PGAP6: variants seen among roughly 807,000 people sequenced by gnomAD.
PGAP6 encodes post-GPI attachment to proteins 6, also known as post-GPI attachment to proteins factor 6.
In PGAP6, 62 loss-of-function variants were observed where a neutral mutation model predicts 68.4. That is an observed-to-expected ratio of 0.91 (90% CI 0.74 to 1.12). The LOEUF (loss-of-function observed/expected upper bound fraction) is 1.12, where lower values mean the gene tolerates loss of function less well. Among genes scored for constraint, PGAP6 ranks in the 50% most tolerant of loss-of-function variants. The pLI, the probability that PGAP6 is intolerant of heterozygous loss-of-function variation, is 0.00. For synonymous variants in PGAP6, 575 were observed against 474.0 expected, an observed-to-expected ratio of 1.21 and a Z score of -2.77; for missense variants, 1,188 against 1,068.5, an observed-to-expected ratio of 1.11 and a Z score of -1.56.
At position 371,926 on chromosome 16, in the gene PGAP6, C is replaced by T. The variant is rs548574173; in HGVS notation, c.*61G>A. On this transcript the variant is annotated 3_prime_UTR_variant, in exon 13 of 13. Coordinates refer to ENST00000431232, the MANE Select transcript of PGAP6 (RefSeq NM_021259.3). ...TGTCCAGGGCTGGACCAGGCGCCTC[C>T]CCCTCGATACAGCTCCTGGCTGAAG... is the stretch of plus-strand genomic sequence containing the variant. 3.5e-5 allele frequency: 55 copies of T among 1,552,422 alleles called. No individual in the cohort carries two copies. The African/African-American group carries it at 6.6e-4, about 19-fold the overall frequency.
intron 1 of PGAP6, among the ~76,000 whole-genome samples, chr16:380,927 A>G (rs2054431831): frequency 6.6e-6 from 1 of 152,154 alleles, no homozygotes; most frequent in African/African-American, 2.4e-5. Flanking sequence ...GCCCCTCCAG[A>G]GTCCCAGGCC....
chr16:377,030 C>T lies in PGAP6; in HGVS notation c.635+7G>A, dbSNP rs758369242. ...AGAGCCGGGCTGCCCCCCAGGCCCCCGCTCACTTGAGGTAGCTGGGATGGG... is the reference window on the plus strand; with the variant it reads ...AGAGCCGGGCTGCCCCCCAGGCCCCTGCTCACTTGAGGTAGCTGGGATGGG... On this transcript the variant is annotated splice_region_variant and intron_variant, in intron 4 of 12. Transcript: ENST00000431232. 1.4e-5 allele frequency: 22 copies of T among 1,612,474 alleles called. 1 individual carries two copies. The Admixed American group carries it at 2.0e-4, about 15-fold the overall frequency.
upstream of PGAP6, chr16:382,322 G>C (rs111709742): frequency 2.6e-6 from 1 of 389,544 alleles, no homozygotes; most frequent in Non-Finnish European, 4.5e-6. Flanking sequence ...TCCGTGGCAG[G>C]CTCGGGGAGC....
intron 11 of PGAP6, among the ~76,000 whole-genome samples, chr16:373,282 C>A (rs1332393825): frequency 6.6e-6 from 1 of 152,376 alleles, no homozygotes; most frequent in South Asian, 2.1e-4. Flanking sequence ...GCCTGCAGTT[C>A]CCAGAGCAGA....
At chr16:376,098 C>G (rs372898477) in intron 6 of PGAP6, 38 bp downstream of exon 6, 3 of 1,558,700 alleles carry the variant, frequency 1.9e-6, no homozygotes, top group Non-Finnish European at 2.6e-6. Flanking sequence ...GCGCCCTGCC[C>G]GAGCCCAGGC....
rs1416833816 is a variant in PGAP6, at chr16:371,757, G to A, written c.*230C>T. On this transcript the variant is annotated 3_prime_UTR_variant, in exon 13 of 13. Transcript: ENST00000431232. ...AGCCCAGGCCCCAGGGGCCACTGCA[G>A]ACAGCAGCTGGGATCTGCAGAGGGA... 5.6e-6 allele frequency: 3 copies of A among 537,610 alleles called. No homozygotes were observed. The highest frequency in any genetic ancestry group is 6.5e-5 in the East Asian group (2 of 30,844). 33.3% of individuals were successfully genotyped at this position (537,610 alleles called of 1,614,324 possible). A position where few individuals can be genotyped will look rare whatever the true frequency, so the allele number is the denominator to read the frequency against.
upstream of PGAP6, among the ~76,000 whole-genome samples, chr16:383,120 AACAAAAAC>A (rs964431262): frequency 3.0e-4 from 46 of 151,476 alleles, no homozygotes; most frequent in African/African-American, 9.9e-4. Context: ...CGTCTCAAAA[AACAAAAAC>A]ACAAAAACAA....
At chr16:382,095 G>GC (rs2054448137), upstream of PGAP6, 1 of 365,264 alleles carries the variant, frequency 2.7e-6, no homozygotes. Context: ...GCCGGTAGGG[G>GC]GGAGGGGTCA....
At chr16:384,542 T>G (rs564416431), upstream of PGAP6, 5 of 152,198 alleles carry the variant, frequency 3.3e-5, no homozygotes, top group African/African-American at 9.6e-5. Flanking sequence ...CTTCTGAAAA[T>G]TATTGTGCCA....
Position 377,110 on chromosome 16 carries a change from C to T in PGAP6, c.562G>A (p.Val188Met), listed in dbSNP as rs199981550. The T allele has an allele frequency of 1.9e-6, 3 of 1,613,632 alleles. No homozygotes were observed. The highest frequency in any genetic ancestry group is 8.5e-7 in the Non-Finnish European group (1 of 1,180,010). ...GGCTCCATGATGGAAATCTCGACCA[C>T]CCGCGTGACCAGCAGTTCAGGCTGG... is the stretch of plus-strand genomic sequence containing the variant. ...VFQPELLVTR[V>M]VEISIMEPDV... The change falls in exon 4 of 13, where the codon GTG becomes ATG. Residue 188 changes from valine to methionine, a missense_variant. Physicochemically the swap from Val to Met is conservative, Grantham distance 21. Coordinates refer to ENST00000431232, the MANE Select transcript of PGAP6 (RefSeq NM_021259.3).
chr16:379,000 T>C lies in PGAP6; in HGVS notation c.122-1152A>G, dbSNP rs185242903. On this transcript the variant is annotated intron_variant, in intron 1 of 12. Coordinates refer to ENST00000431232, the MANE Select transcript of PGAP6 (RefSeq NM_021259.3). The stretch of plus-strand genomic sequence containing the variant: ...CCGTGCCAGCTCCAGCCTCGTGCCC[T>C]TGCGACCTTGGGCATCCTTCCCTCC... Among the ~76,000 whole-genome samples, 29 of 152,180 alleles carry C rather than the reference T, an allele frequency of 1.9e-4. No homozygotes were observed. The East Asian group carries it at 4.5e-3, about 23-fold the overall frequency.
rs2054334245 is a variant in PGAP6 at position 371,677 on chromosome 16, C to G, written c.*310G>C. The G allele has an allele frequency of 2.7e-6, 1 of 371,344 alleles. No homozygotes were observed. Among genetic ancestry groups the G allele is most frequent in the Non-Finnish European group, 5.0e-6 (1 of 198,652 alleles). The allele number at this position is 371,344 out of a possible 1,614,324, so 23.0% of individuals were successfully genotyped here. The stretch of plus-strand genomic sequence containing the variant: ...TCCCCATCTCTAGCCACCCACAGGC[C>G]AGCAGAGCACACAGCCCCACCCTCG... On this transcript the variant is annotated 3_prime_UTR_variant, in exon 13 of 13. Transcript: ENST00000431232.
chr16:385,801 T>C (rs1029678390), upstream of PGAP6, among the ~76,000 whole-genome samples: 4 of 151,160 alleles, frequency 2.6e-5, no homozygotes, highest in Admixed American at 1.3e-4. Flanking sequence ...ATTTTTTGTA[T>C]TTTTAGTAGA....
chr16:374,630 C>A, intron 9 of PGAP6, 126 bp downstream of exon 9: 2 of 1,349,756 alleles, frequency 1.5e-6, no homozygotes, highest in South Asian at 1.5e-5. Flanking sequence ...GGAGGCTTTG[C>A]CCCTGCATTG....
chr16:376,536 C>A lies in PGAP6; in HGVS notation c.904+8G>T. Reference sequence around the variant, plus strand: ...CAGGGCCATCCCTCCAGCCCTTGTGCGGCCCACCTGTGAGGGCAGCTACAG... The same window carrying A: ...CAGGGCCATCCCTCCAGCCCTTGTGAGGCCCACCTGTGAGGGCAGCTACAG... On this transcript the variant is annotated splice_region_variant and intron_variant, in intron 5 of 12. Coordinates refer to ENST00000431232, the MANE Select transcript of PGAP6 (RefSeq NM_021259.3). The A allele has an allele frequency of 3.2e-6, 5 of 1,543,062 alleles. No homozygotes were observed. Among genetic ancestry groups the A allele is most frequent in the Non-Finnish European group, 3.5e-6 (4 of 1,143,416 alleles).
chr16:384,694 A>C (rs1262865421), upstream of PGAP6, among the ~76,000 whole-genome samples: 1 of 152,012 alleles, frequency 6.6e-6, no homozygotes, highest in African/African-American at 2.4e-5. Flanking sequence ...TTCTCTACTA[A>C]AAATATAAAA....
chr16:373,234 G>A (rs897056218), intron 11 of PGAP6, among the ~76,000 whole-genome samples: 5 of 152,208 alleles, frequency 3.3e-5, no homozygotes, highest in Non-Finnish European at 5.9e-5. Flanking sequence ...TGCCCTGGCT[G>A]TGGGGCTCCC....
chr16:372,013 G>T lies in PGAP6; in HGVS notation c.2290C>A (p.Arg764=). 1 of 1,612,564 alleles carries T rather than the reference G, an allele frequency of 6.2e-7. No individual in the cohort carries two copies. Among genetic ancestry groups the T allele is most frequent in the Non-Finnish European group, 8.5e-7 (1 of 1,179,848 alleles). ...CACGTCACTGCGTACAGTTCCTCCC[G>T]ATCGTTCTTGCAGATCTGATAGTGG... ...PCHYQICKND[R]EELYAVT is the part of the protein sequence containing the mutation. The change falls in exon 13 of 13, where the codon CGG becomes AGG. Residue 764 remains arginine (R), a synonymous_variant. Coordinates refer to ENST00000431232, the MANE Select transcript of PGAP6 (RefSeq NM_021259.3).
At position 378,505 on chromosome 16, in the gene PGAP6, C is replaced by A. The variant is rs4991324; in HGVS notation, c.122-657G>T. Among the ~76,000 whole-genome samples, 3 of 1,152 alleles carry A rather than the reference C, an allele frequency of 2.6e-3. 1 individual carries two copies. The highest frequency in any genetic ancestry group is 7.8e-3 in the African/African-American group (2 of 256). 0.8% of individuals were successfully genotyped at this position (1,152 alleles called of 152,430 possible). On this transcript the variant is annotated intron_variant, in intron 1 of 12. Transcript: ENST00000431232. Reference sequence around the variant, plus strand: ...TGCCATCGCCACTCTGACTGCCATCCCCACCCGCACTGCCACCCGGACCCC... The same window carrying A: ...TGCCATCGCCACTCTGACTGCCATCACCACCCGCACTGCCACCCGGACCCC...
Sources: allele counts gnomAD v4.1 joint callset (sites outside exome capture counted in the v4.1 genomes callset), GRCh38; gene constraint gnomAD v4.1.1; transcripts MANE v1.5; gene names NCBI Gene and HGNC (gene_info 2026-07-23, HGNC 2026-07-21).